MCC: variants seen among roughly 807,000 people sequenced by gnomAD.
MCC encodes the protein colorectal mutant cancer protein.
MCC carries 90 observed loss-of-function variants against 116.2 expected under a neutral mutation model. That is an observed-to-expected ratio of 0.77 (90% CI 0.65 to 0.92). The LOEUF (loss-of-function observed/expected upper bound fraction) is 0.92. Ranked by LOEUF, MCC falls within the 40% of genes least tolerant of loss-of-function variation. The pLI, the probability that MCC is intolerant of heterozygous loss-of-function variation, is 0.00. For missense variants in MCC, 1,516 were observed against 1,312.2 expected (o/e 1.16, Z -2.40); for synonymous variants, 578 against 510.5 (o/e 1.13, Z -1.78).
At chr5:113,408,692 G>C (rs1769901537) in intron 1 of MCC, among the ~76,000 whole-genome samples, 1 of 152,184 alleles carries the variant, frequency 6.6e-6, no homozygotes, top group Non-Finnish European at 1.5e-5. Context: ...CCAGGGTTTC[G>C]ATTAGAGCTA....
chr5:113,332,231 GGT>G (rs1267730065), intron 3 of MCC, among the ~76,000 whole-genome samples: 3 of 149,798 alleles, frequency 2.0e-5, no homozygotes, highest in Non-Finnish European at 2.9e-5. Context: ...CCCAGGCTAG[GGT>G]GCAGGCATGA....
intron 3 of MCC, among the ~76,000 whole-genome samples, chr5:113,295,696 C>T (rs1766690959): frequency 6.6e-6 from 1 of 152,202 alleles, no homozygotes; most frequent in South Asian, 2.1e-4. Flanking sequence ...CGAGGTAAAA[C>T]ATCCTGTGTC....
chr5:113,280,775 G>A (rs1766014801), intron 3 of MCC, among the ~76,000 whole-genome samples: 1 of 152,156 alleles, frequency 6.6e-6, no homozygotes, highest in South Asian at 2.1e-4. Flanking sequence ...CCTTTTACCT[G>A]TTGGATATTC....
intron 1 of MCC, among the ~76,000 whole-genome samples, chr5:113,448,525 C>A (rs543223807): frequency 1.3e-5 from 2 of 152,314 alleles, no homozygotes; most frequent in Middle Eastern, 3.4e-3. Context: ...CCCAAGCTGA[C>A]AAGCCTTTCT....
intron 2 of MCC, among the ~76,000 whole-genome samples, chr5:113,342,452 G>C (rs573110736): frequency 6.6e-6 from 1 of 152,274 alleles, no homozygotes; most frequent in South Asian, 2.1e-4. Context: ...TTGTTGATTA[G>C]AGCAGCTAGT....
intron 8 of MCC, among the ~76,000 whole-genome samples, chr5:113,101,333 C>T (rs1756395185): frequency 6.6e-6 from 1 of 150,562 alleles, no homozygotes; most frequent in Admixed American, 6.6e-5. Flanking sequence ...AGAGCAGGTA[C>T]AATAAAGCTA....
intron 3 of MCC, among the ~76,000 whole-genome samples, chr5:113,183,890 C>T (rs1761753089): frequency 6.6e-6 from 1 of 152,050 alleles, no homozygotes; most frequent in Non-Finnish European, 1.5e-5. Context: ...CTGCTGCTCT[C>T]CTCCCTCCTC....
At chr5:113,052,482 T>A (rs149675896) in intron 15 of MCC, among the ~76,000 whole-genome samples, 1 of 151,420 alleles carries the variant, frequency 6.6e-6, no homozygotes, top group African/African-American at 2.4e-5. Context: ...GGGTGGGAGG[T>A]AAGATTCCTG....
intron 2 of MCC, among the ~76,000 whole-genome samples, chr5:113,357,595 G>C (rs1768445010): frequency 6.6e-6 from 1 of 152,210 alleles, no homozygotes; most frequent in South Asian, 2.1e-4. Context: ...TGAAACTGCA[G>C]ATCAGCAGCT....
chr5:113,181,314 G>T (rs551588294), intron 3 of MCC, among the ~76,000 whole-genome samples: 2 of 152,306 alleles, frequency 1.3e-5, no homozygotes, highest in South Asian at 4.1e-4. Flanking sequence ...GCCTTGAAAT[G>T]TACTGATTAG....
chr5:113,248,825 C>T (rs1282587306), intron 3 of MCC, among the ~76,000 whole-genome samples: 1 of 136,346 alleles, frequency 7.3e-6, no homozygotes, highest in Admixed American at 8.1e-5. Flanking sequence ...CTCATTCTCT[C>T]TCTCTTCTTT....
At chr5:113,325,382 G>A (rs74792922) in intron 3 of MCC, among the ~76,000 whole-genome samples, 4,873 of 150,716 alleles carry the variant, frequency 0.032, 106 homozygotes, top group East Asian at 0.076. Context: ...ATCTGGAGAA[G>A]TGTACTAAAT....
At chr5:113,333,791 A>T (rs56032209) in intron 3 of MCC, among the ~76,000 whole-genome samples, 20 of 98,174 alleles carry the variant, frequency 2.0e-4, no homozygotes, top group East Asian at 7.9e-4. Flanking sequence ...ATATATATTT[A>T]TATATATATG....
chr5:113,391,773 C>A (rs369765876), intron 1 of MCC, among the ~76,000 whole-genome samples: 112 of 151,330 alleles, frequency 7.4e-4, no homozygotes, highest in African/African-American at 2.6e-3. Flanking sequence ...GCATATTTTT[C>A]CGTGTTACGG....
chr5:113,381,119 A>G (rs965947240), intron 2 of MCC, among the ~76,000 whole-genome samples: 2 of 152,230 alleles, frequency 1.3e-5, no homozygotes, highest in African/African-American at 4.8e-5. Flanking sequence ...TTTAGTAGGC[A>G]AGGCAAGATA....
intron 2 of MCC, among the ~76,000 whole-genome samples, chr5:113,371,613 T>G (rs1281090150): frequency 6.6e-6 from 1 of 152,182 alleles, no homozygotes; most frequent in African/African-American, 2.4e-5. Context: ...AGGAGAAAAA[T>G]GTTTTTCTTG....
At chr5:113,055,548 C>T (rs1385447954) in intron 14 of MCC, among the ~76,000 whole-genome samples, 1 of 152,168 alleles carries the variant, frequency 6.6e-6, no homozygotes, top group African/African-American at 2.4e-5. Context: ...GTCAGAGAAC[C>T]CCTTCTAGAA....
At chr5:113,165,683 T>C (rs973662295) in intron 3 of MCC, among the ~76,000 whole-genome samples, 12 of 152,152 alleles carry the variant, frequency 7.9e-5, no homozygotes, top group Non-Finnish European at 1.6e-4. Context: ...TTTACGTTTA[T>C]TGGTTGTTTC....
At chr5:113,238,427 A>G (rs1231390531) in intron 3 of MCC, among the ~76,000 whole-genome samples, 1 of 152,222 alleles carries the variant, frequency 6.6e-6, no homozygotes, top group Non-Finnish European at 1.5e-5. Context: ...TATACATGAC[A>G]GATGACCCAT....
Sources: gnomAD v4.1 joint callset for allele counts (sites outside exome capture counted in the v4.1 genomes callset) on GRCh38, gnomAD v4.1.1 for gene constraint, MANE v1.5 for transcripts, NCBI Gene and HGNC (gene_info 2026-07-23, HGNC 2026-07-21) for gene names.